Variants in TCEA2 observed in about 807,000 individuals in gnomAD.
TCEA2 encodes transcription elongation factor A2, also known as transcription elongation factor A protein 2.
TCEA2 carries 21 observed loss-of-function variants against 40.8 expected under a neutral mutation model. That is an observed-to-expected ratio of 0.51 (90% CI 0.36 to 0.74). The LOEUF is 0.74. TCEA2 is among the 30% of genes least tolerant of loss of function. TCEA2 has a pLI of 0.00. For synonymous variants in TCEA2, 165 were observed against 162.7 expected (o/e 1.01, Z -0.11); for missense variants, 326 against 426.5 (o/e 0.76, Z 2.08).
chr20:64,066,242 A>G (rs2059690807), intron 1 of TCEA2: 4 of 480,572 alleles, frequency 8.3e-6, no homozygotes, highest in Non-Finnish European at 1.5e-5. Flanking sequence ...GGAATGCTTG[A>G]GGCTGCAGAA....
At chr20:64,061,921 G>A (rs2059573444), upstream of TCEA2, among the ~76,000 whole-genome samples, 1 of 151,850 alleles carries the variant, frequency 6.6e-6, no homozygotes, top group South Asian at 2.1e-4. Flanking sequence ...TAGAGACGGG[G>A]TTTCACCATA....
chr20:64,058,861 T>C (rs2059509163), upstream of TCEA2, among the ~76,000 whole-genome samples: 1 of 152,110 alleles, frequency 6.6e-6, no homozygotes, highest in Non-Finnish European at 1.5e-5. The surrounding 1 kb of genome is among the most constrained non-coding windows in gnomAD (Gnocchi z 6.7). Flanking sequence ...CGTTCATAAC[T>C]GAACGAACGA....
chr20:64,070,307 G>T lies in TCEA2; in HGVS notation c.565G>T (p.Val189Leu). The T allele has an allele frequency of 6.2e-7, 1 of 1,614,236 alleles. No homozygotes were observed. Among genetic ancestry groups the T allele is most frequent in the Non-Finnish European group, 8.5e-7 (1 of 1,180,040 alleles). ...CACAGACATGAAGTATAAGAACCGT[G>T]TACGGAGTCGTATCTCCAACCTGAA... Reference protein sequence around the residue: ...GNTDMKYKNRVRSRISNLKDA... With the variant: ...GNTDMKYKNRLRSRISNLKDA... The change falls in exon 7 of 10, where the codon GTA (valine) becomes TTA (leucine). Residue 189 changes from valine to leucine, a missense_variant. Physicochemically the swap from Val to Leu is conservative, Grantham distance 32. Coordinates refer to ENST00000343484, the MANE Select transcript of TCEA2 (RefSeq NM_003195.6).
At position 64,070,144 on chromosome 20, in the gene TCEA2, CCT is replaced by C. The variant is rs921731353; in HGVS notation, c.518-115_518-114del. The C allele has an allele frequency of 5.4e-5, 80 of 1,484,246 alleles. No homozygotes were observed. The Middle Eastern group carries it at 8.8e-4, about 16-fold the overall frequency. 91.9% of individuals were successfully genotyped at this position (1,484,246 alleles called of 1,614,324 possible). ...CCAGGTGTGGGTGGGCAGACCGACC[CCT>C]GTGTGGCTGGGCAGAACCTTTCCAG... is the stretch of plus-strand genomic sequence containing the variant. On this transcript the variant is annotated intron_variant, in intron 6 of 9. Transcript: ENST00000343484.
chr20:64,063,151 C>T (rs986211275), upstream of TCEA2: 5 of 522,192 alleles, frequency 9.6e-6, no homozygotes, highest in Admixed American at 4.9e-5. Flanking sequence ...CCTAGGATGC[C>T]GCGCGCGGCC....
upstream of TCEA2, among the ~76,000 whole-genome samples, chr20:64,059,242 T>C (rs1221463458): frequency 6.6e-6 from 1 of 151,104 alleles, no homozygotes; most frequent in Non-Finnish European, 1.5e-5. Flanking sequence ...TCCCACCAGT[T>C]TATTTTCTGT....
intron 1 of TCEA2, 189 bp downstream of exon 1, chr20:64,063,573 C>G (rs571304688): frequency 6.5e-5 from 43 of 657,670 alleles, no homozygotes; most frequent in South Asian, 5.8e-4. Flanking sequence ...CCAGCCCTGC[C>G]GTTCACTCCC....
At position 64,069,413 on chromosome 20, in the gene TCEA2, T is replaced by C. The variant is rs1050132067; in HGVS notation, c.382T>C (p.Phe128Leu). ...ACCGTCGACTCCGAGGATCACCACA[T>C]TTCCTCCGGTGCCTGTCACCTGTGA... is the stretch of plus-strand genomic sequence containing the variant. ...RAPSTPRITTFPPVPVTCDAV... is the reference protein window; with the variant it reads ...RAPSTPRITTLPPVPVTCDAV... The change falls in exon 5 of 10, where the codon TTT (phenylalanine) becomes CTT (leucine). Residue 128 changes from phenylalanine to leucine, a missense_variant. By Grantham distance (22) the Phe-to-Leu change is conservative. Transcript: ENST00000343484. 5 of 1,612,460 alleles carry C rather than the reference T, an allele frequency of 3.1e-6. No individual in the cohort carries two copies. The African/African-American group carries it at 6.7e-5, about 22-fold the overall frequency.
At chr20:64,057,154 C>T (rs1467934783), upstream of TCEA2, 1 of 152,220 alleles carries the variant, frequency 6.6e-6, no homozygotes, top group East Asian at 1.9e-4. Context: ...CAGGAGGCCT[C>T]TCCCCTCCAC....
chr20:64,063,515 C>T, intron 1 of TCEA2, 131 bp downstream of exon 1: 1 of 1,100,560 alleles, frequency 9.1e-7, no homozygotes, highest in Non-Finnish European at 1.3e-6. Context: ...AGAGACTAAC[C>T]GGGACGCAGG....
At chr20:64,067,976 C>T (rs2059735590) in intron 3 of TCEA2, 71 bp from the exon 4 acceptor site, 1 of 1,220,766 alleles carries the variant, frequency 8.2e-7, no homozygotes, top group Admixed American at 2.1e-5. Context: ...TGAGGCTGTA[C>T]CTTGGTGGTG....
chr20:64,071,803 T>G, intron 8 of TCEA2, 67 bp from the exon 9 acceptor site: 3 of 1,582,020 alleles, frequency 1.9e-6, no homozygotes, highest in Non-Finnish European at 2.6e-6. Flanking sequence ...GCACTGCCCA[T>G]GTTGAGGGGA....
At chr20:64,068,185 C>T in intron 4 of TCEA2, 51 bp downstream of exon 4, 3 of 1,509,346 alleles carry the variant, frequency 2.0e-6, no homozygotes, top group Non-Finnish European at 1.8e-6. Context: ...CAGCCTGTTT[C>T]CTTGCCAGAG....
chr20:64,071,324 G>C (rs1477177615), intron 8 of TCEA2, among the ~76,000 whole-genome samples: 2 of 151,984 alleles, frequency 1.3e-5, no homozygotes, highest in Non-Finnish European at 2.9e-5. Flanking sequence ...CTCCAGCCTG[G>C]GCGACAGAGC....
rs560557990 is a variant in TCEA2, at chr20:64,071,935, C to T, written c.885C>T (p.Arg295=). 1 of 1,614,168 alleles carries T rather than the reference C, an allele frequency of 6.2e-7. No homozygotes were observed. Among genetic ancestry groups the T allele is most frequent in the Non-Finnish European group, 8.5e-7 (1 of 1,180,034 alleles). Residue 295 remains arginine, a synonymous_variant, in exon 9 of 10, where the codon CGC becomes CGT. Coordinates refer to ENST00000343484, the MANE Select transcript of TCEA2 (RefSeq NM_003195.6). ...TTGTCTGCAACGAGTGTGGAAACCG[C>T]TGGAAGGTGGGTGAGCAGGCTCAGG... ...TFVVCNECGN[R]WKFC is the part of the protein sequence containing the mutation.
At chr20:64,056,626 C>A (rs1051446988), upstream of TCEA2, among the ~76,000 whole-genome samples, 4 of 152,150 alleles carry the variant, frequency 2.6e-5, no homozygotes, top group African/African-American at 9.7e-5. Context: ...CGGGAGCCTT[C>A]CCACCACGGC....
At chr20:64,066,606 G>A (rs183092975) in intron 2 of TCEA2, 68 bp downstream of exon 2, 61 of 1,567,250 alleles carry the variant, frequency 3.9e-5, no homozygotes, top group Non-Finnish European at 5.2e-5. Context: ...CAGTTCTGAG[G>A]GCACCTGGCA....
intron 4 of TCEA2, among the ~76,000 whole-genome samples, chr20:64,068,827 G>A (rs1357608828): frequency 2.0e-5 from 3 of 152,374 alleles, no homozygotes; most frequent in South Asian, 2.1e-4. Context: ...CCATGTTGGG[G>A]TCCAGCCCTG....
At chr20:64,069,886 T>C in intron 6 of TCEA2, 65 bp downstream of exon 6, 2 of 1,578,306 alleles carry the variant, frequency 1.3e-6, no homozygotes, top group Non-Finnish European at 1.7e-6. Flanking sequence ...CCTGGCCTGG[T>C]GCCCTCTGGT....
Sources: allele counts gnomAD v4.1 joint callset (sites outside exome capture counted in the v4.1 genomes callset), GRCh38; gene constraint gnomAD v4.1.1; non-coding constraint Gnocchi (gnomAD v3.1); transcripts MANE v1.5; gene names NCBI Gene and HGNC (gene_info 2026-07-23, HGNC 2026-07-21).